Variants in SPSB4 observed in about 807,000 individuals in gnomAD.
SPSB4 encodes splA/ryanodine receptor domain and SOCS box containing 4.
Under a neutral mutation model 20.9 loss-of-function variants are expected in SPSB4, and 21 were observed. The ratio of observed to expected loss-of-function variants is 1.01; its 90% CI spans 0.71 to 1.45. SPSB4 has a LOEUF of 1.45. Ranked by LOEUF, SPSB4 falls within the 40% of genes most tolerant of loss-of-function variation. The pLI is 0.00. For missense variants in SPSB4, 399 were observed against 399.2 expected (o/e 1.00, Z 0.00); for synonymous variants, 207 against 183.8 (o/e 1.13, Z -1.02).
At chr3:141,106,097 G>A (rs1348962639) in intron 2 of SPSB4, among the ~76,000 whole-genome samples, 1 of 152,246 alleles carries the variant, frequency 6.6e-6, no homozygotes, top group Non-Finnish European at 1.5e-5. Context: ...TAGACTGGCC[G>A]TGGTGGCACT....
intron 2 of SPSB4, among the ~76,000 whole-genome samples, chr3:141,119,395 A>G (rs11927534): frequency 0.27 from 40,701 of 152,030 alleles, 6,882 homozygotes; most frequent in African/African-American, 0.46. Flanking sequence ...TTTGGGCTGA[A>G]ACAATGGGGT....
intron 1 of SPSB4, among the ~76,000 whole-genome samples, chr3:141,060,454 G>A (rs1404149340): frequency 6.6e-6 from 1 of 152,136 alleles, no homozygotes; most frequent in Non-Finnish European, 1.5e-5. Context: ...TTGTCATATG[G>A]TAACTCTGGG....
At chr3:141,065,423 C>T (rs1937844682) in intron 1 of SPSB4, among the ~76,000 whole-genome samples, 1 of 152,212 alleles carries the variant, frequency 6.6e-6, no homozygotes, top group Admixed American at 6.5e-5. Flanking sequence ...CCACACCCTA[C>T]AGCCCTGTGT....
intron 1 of SPSB4, among the ~76,000 whole-genome samples, chr3:141,060,830 G>C (rs573617974): frequency 6.6e-6 from 1 of 152,238 alleles, no homozygotes; most frequent in South Asian, 2.1e-4. Flanking sequence ...GACAAAAATG[G>C]CATTTCAATG....
chr3:141,071,191 C>T (rs539852567), intron 2 of SPSB4, among the ~76,000 whole-genome samples: 3 of 152,344 alleles, frequency 2.0e-5, no homozygotes, highest in East Asian at 1.9e-4. Flanking sequence ...TGGGCCCCTG[C>T]GGTGGGCCAG....
chr3:141,136,065 G>T (rs979843022), intron 2 of SPSB4, among the ~76,000 whole-genome samples: 2 of 152,048 alleles, frequency 1.3e-5, no homozygotes, highest in African/African-American at 4.8e-5. Flanking sequence ...TCTCATTGTG[G>T]TTTTGATTTG....
chr3:141,131,923 T>C (rs957618051), intron 2 of SPSB4, among the ~76,000 whole-genome samples: 16 of 152,252 alleles, frequency 1.1e-4, no homozygotes, highest in African/African-American at 3.4e-4. Flanking sequence ...ACTAAAAGCA[T>C]TGTGAGCATT....
chr3:141,065,836 A>G (rs1367949568), intron 1 of SPSB4, 116 bp from the exon 2 acceptor site: 1 of 448,724 alleles, frequency 2.2e-6, no homozygotes, highest in Non-Finnish European at 3.9e-6. Context: ...GAGTGTACGA[A>G]TTATTACTAT....
At chr3:141,106,922 GGGTCATCTTTCTCA>G (rs1250388315) in intron 2 of SPSB4, among the ~76,000 whole-genome samples, 9 of 152,186 alleles carry the variant, frequency 5.9e-5, no homozygotes, top group Non-Finnish European at 1.3e-4. Flanking sequence ...CCTCTGTATG[GGGTCATCTTTCTCA>G]GGTCCCCAAA....
At chr3:141,086,982 G>A (rs182400609) in intron 2 of SPSB4, among the ~76,000 whole-genome samples, 1 of 152,306 alleles carries the variant, frequency 6.6e-6, no homozygotes, top group Admixed American at 6.5e-5. Context: ...CACTGATTCT[G>A]CAGAGGAGCA....
intron 2 of SPSB4, among the ~76,000 whole-genome samples, chr3:141,143,021 T>C: frequency 6.6e-6 from 1 of 152,006 alleles, no homozygotes; most frequent in Non-Finnish European, 1.5e-5. Flanking sequence ...TTTCACCGTG[T>C]TAGCCAGGAT....
At chr3:141,090,715 G>A (rs750173830) in intron 2 of SPSB4, among the ~76,000 whole-genome samples, 2 of 152,174 alleles carry the variant, frequency 1.3e-5, no homozygotes, top group Non-Finnish European at 2.9e-5. Flanking sequence ...TGAGTGAGAC[G>A]GGGAGTCACT....
At chr3:141,091,695 G>A (rs1938451901) in intron 2 of SPSB4, among the ~76,000 whole-genome samples, 2 of 152,318 alleles carry the variant, frequency 1.3e-5, no homozygotes, top group South Asian at 4.1e-4. Context: ...GCTGACAAAT[G>A]ACTTAATTAA....
At chr3:141,062,192 T>C (rs965191688) in intron 1 of SPSB4, among the ~76,000 whole-genome samples, 4 of 152,216 alleles carry the variant, frequency 2.6e-5, no homozygotes, top group African/African-American at 7.2e-5. Context: ...GGCCTCCAGA[T>C]GGAATTTGTC....
chr3:141,064,455 CG>C (rs1937824154), intron 1 of SPSB4, among the ~76,000 whole-genome samples: 2 of 152,110 alleles, frequency 1.3e-5, no homozygotes, highest in African/African-American at 4.8e-5. Flanking sequence ...CCAGAGCTCT[CG>C]GAATAGGGTC....
intron 2 of SPSB4, among the ~76,000 whole-genome samples, chr3:141,078,761 C>T (rs762663782): frequency 5.9e-5 from 9 of 152,202 alleles, no homozygotes; most frequent in African/African-American, 1.2e-4. Context: ...CCAGGCCCTC[C>T]GCTGCAGTTC....
At chr3:141,143,270 C>T (rs1025630580) in intron 2 of SPSB4, among the ~76,000 whole-genome samples, 5 of 152,212 alleles carry the variant, frequency 3.3e-5, no homozygotes, top group African/African-American at 1.2e-4. Context: ...CTAGGTGAGT[C>T]TCTTGAAGAC....
intron 2 of SPSB4, among the ~76,000 whole-genome samples, chr3:141,086,104 A>C (rs944580883): frequency 1.3e-5 from 2 of 152,232 alleles, no homozygotes; most frequent in African/African-American, 4.8e-5. Flanking sequence ...TCCAAAATGC[A>C]GTAATACAGA....
Position 141,088,590 on chromosome 3 carries a change from AG to A in SPSB4, c.694+21796del, listed in dbSNP as rs145539601. ...GGATGCAGGCAGCACCGGGATGTGC[AG>A]GGGAGTTAACACCCTTGGGGATACC... On this transcript the variant is annotated intron_variant, in intron 2 of 2. Coordinates refer to ENST00000310546, the MANE Select transcript of SPSB4 (RefSeq NM_080862.3). Among the ~76,000 whole-genome samples the A allele has an allele frequency of 1.2e-4, 18 of 152,322 alleles. No homozygotes were observed. The East Asian group carries it at 3.5e-3, about 29-fold the overall frequency.
Sources: gnomAD v4.1 joint callset for allele counts (sites outside exome capture counted in the v4.1 genomes callset) on GRCh38, gnomAD v4.1.1 for gene constraint, MANE v1.5 for transcripts, NCBI Gene and HGNC (gene_info 2026-07-23, HGNC 2026-07-21) for gene names.